The following ANKRD50 variants were observed in gnomAD, a reference collection of about 807,000 sequenced individuals.
The protein encoded by ANKRD50 is ankyrin repeat domain-containing protein 50.
Under a neutral mutation model 112.0 loss-of-function variants are expected in ANKRD50, and 40 were observed. The observed-to-expected ratio is 0.36, with a 90% CI of 0.28 to 0.46. ANKRD50 has a LOEUF of 0.46. Among genes scored for constraint, ANKRD50 ranks in the 20% least tolerant of loss-of-function variants. The pLI is 1.00. For missense variants in ANKRD50, 1,487 were observed against 1,701.7 expected (o/e 0.87, Z 2.22); for synonymous variants, 613 against 619.1 (o/e 0.99, Z 0.15).
At chr4:124,668,856 G>C in intron 4 of ANKRD50, 128 bp downstream of exon 4, 2 of 792,270 alleles carry the variant, frequency 2.5e-6, no homozygotes, top group Admixed American at 6.2e-5. Flanking sequence ...TGATGAGGCA[G>C]GTCTGGCCCA....
chr4:124,667,406 C>A lies in ANKRD50; in HGVS notation c.*112G>T, dbSNP rs750437213. The A allele has an allele frequency of 5.9e-5, 9 of 151,962 alleles. No homozygotes were observed. The highest frequency in any genetic ancestry group is 1.3e-4 in the Non-Finnish European group (9 of 67,940). The allele number at this position is 151,962 out of a possible 1,614,324, so 9.4% of individuals were successfully genotyped here. On this transcript the variant is annotated 3_prime_UTR_variant, in exon 5 of 5. Transcript: ENST00000504087. ...ATTAAGGTAACTGTACTGCAGAGAT[C>A]ACATTCTTCATTTTTTTTGTTTTTT...
chr4:124,693,907 A>G (rs2110521403), intron 2 of ANKRD50, among the ~76,000 whole-genome samples: 1 of 152,316 alleles, frequency 6.6e-6, no homozygotes, highest in East Asian at 1.9e-4. Context: ...ACATCTGCCT[A>G]TCACTTTATT....
At chr4:124,703,310 G>A (rs1040370303) in intron 2 of ANKRD50, among the ~76,000 whole-genome samples, 2 of 152,144 alleles carry the variant, frequency 1.3e-5, no homozygotes, top group East Asian at 1.9e-4. Context: ...AGAGATGAAC[G>A]TTAGATTTCA....
At chr4:124,681,384 T>C (rs1449451382) in intron 2 of ANKRD50, among the ~76,000 whole-genome samples, 1 of 152,156 alleles carries the variant, frequency 6.6e-6, no homozygotes, top group Non-Finnish European at 1.5e-5. Context: ...AAGTCCAAGG[T>C]CTGGTTCCAG....
rs1730624562 is a variant in ANKRD50 at position 124,670,715 on chromosome 4, T to C, written c.2562A>G (p.Ala854=). The change falls in exon 4 of 5, where the codon GCA becomes GCG. Residue 854 remains alanine (A), a synonymous_variant. Transcript: ENST00000504087. ...ATATCAATCTGTGCCCTTCAAAAGC[T>C]GCCATGTGCAAAGGTGTCCATCCAG... is the stretch of plus-strand genomic sequence containing the variant. The part of the protein sequence containing the change: ...DDAGWTPLHM[A]AFEGHRLICE... 1.2e-6 allele frequency: 2 copies of C among 1,613,410 alleles called. No individual in the cohort carries two copies. The highest frequency in any genetic ancestry group is 1.7e-6 in the Non-Finnish European group (2 of 1,179,784).
rs781120834 is a variant in ANKRD50 at position 124,671,448 on chromosome 4, T to C, written c.1829A>G (p.Asp610Gly). 2 of 1,613,644 alleles carry C rather than the reference T, an allele frequency of 1.2e-6. No individual in the cohort carries two copies. Among genetic ancestry groups the C allele is most frequent in the Admixed American group, 1.7e-5 (1 of 59,940 alleles). Residue 610 changes from aspartate to glycine, a missense_variant, in exon 4 of 5, where the codon GAT becomes GGT. Around this residue, in one of 2 missense-constraint regions of ANKRD50, gnomAD observed 1,046 missense variants for 1,269.5 expected, o/e 0.82. Transcript: ENST00000504087. ...CGANINHTDQ[D>G]GWTALRSAAW... ...AGCAGATCTTAATGCTGTCCAACCA[T>C]CTTGATCAGTATGATTAATATTTGC...
intron 2 of ANKRD50, among the ~76,000 whole-genome samples, chr4:124,683,397 T>A (rs2110515265): frequency 6.6e-6 from 1 of 152,052 alleles, no homozygotes; most frequent in African/African-American, 2.4e-5. Context: ...CAAATCAGGG[T>A]AATCGTGGTA....
intron 2 of ANKRD50, among the ~76,000 whole-genome samples, chr4:124,689,022 G>A (rs575801710): frequency 7.2e-5 from 11 of 152,240 alleles, no homozygotes; most frequent in Non-Finnish European, 5.9e-5. Context: ...ACAACCCAAA[G>A]TAGGTAAAAT....
Position 124,672,429 on chromosome 4 carries a change from T to C in ANKRD50, c.848A>G (p.His283Arg), listed in dbSNP as rs772083748. The change falls in exon 4 of 5, where the codon CAC (histidine) becomes CGC (arginine). Residue 283 changes from histidine (H) to arginine (R), a missense_variant. Coordinates refer to ENST00000504087, the MANE Select transcript of ANKRD50 (RefSeq NM_020337.3). ...CATCTCTGCAGTTTCTTTTGTGAGGTGTTGTCGCAAAGCTTCTTCTTGATC... is the reference window on the plus strand; with the variant it reads ...CATCTCTGCAGTTTCTTTTGTGAGGCGTTGTCGCAAAGCTTCTTCTTGATC... The part of the protein sequence containing the change: ...RLDQEEALRQ[H>R]LTKETAEMLN... 1 of 1,613,070 alleles carries C rather than the reference T, an allele frequency of 6.2e-7. No homozygotes were observed. The highest frequency in any genetic ancestry group is 8.5e-7 in the Non-Finnish European group (1 of 1,179,578).
chr4:124,679,632 A>C (rs1042909970), intron 2 of ANKRD50, among the ~76,000 whole-genome samples: 2 of 152,198 alleles, frequency 1.3e-5, no homozygotes, highest in Non-Finnish European at 2.9e-5. Flanking sequence ...TAAGGTGCTG[A>C]GCAGATACAA....
chr4:124,668,349 A>G (rs1019465888), intron 4 of ANKRD50, among the ~76,000 whole-genome samples: 7 of 152,072 alleles, frequency 4.6e-5, no homozygotes, highest in African/African-American at 1.7e-4. Context: ...AAGAGTCTCA[A>G]GAGATCTGTC....
chr4:124,695,170 A>G (rs991559874), intron 2 of ANKRD50, among the ~76,000 whole-genome samples: 1 of 152,186 alleles, frequency 6.6e-6, no homozygotes, highest in Non-Finnish European at 1.5e-5. Flanking sequence ...AGAACTAGAA[A>G]AAAAATGAAT....
At chr4:124,693,097 T>C (rs1206150252) in intron 2 of ANKRD50, among the ~76,000 whole-genome samples, 1 of 152,194 alleles carries the variant, frequency 6.6e-6, no homozygotes, top group African/African-American at 2.4e-5. Flanking sequence ...TTGTGTTAAA[T>C]TGCTTCTGAA....
At chr4:124,681,518 T>C (rs1724886616) in intron 2 of ANKRD50, among the ~76,000 whole-genome samples, 1 of 152,142 alleles carries the variant, frequency 6.6e-6, no homozygotes, top group South Asian at 2.1e-4. Context: ...GGGCACATCA[T>C]AGTGGGGGTC....
chr4:124,668,063 A>G (rs905605703), intron 4 of ANKRD50, among the ~76,000 whole-genome samples: 2 of 152,002 alleles, frequency 1.3e-5, no homozygotes, highest in Non-Finnish European at 2.9e-5. Context: ...AGTGTATGCT[A>G]GGAAAGACCC....
At chr4:124,697,177 T>C (rs952196990) in intron 2 of ANKRD50, among the ~76,000 whole-genome samples, 2 of 152,130 alleles carry the variant, frequency 1.3e-5, no homozygotes, top group Non-Finnish European at 1.5e-5. Flanking sequence ...AGCAGTTAGA[T>C]TTATAGGTCT....
In ANKRD50 at chr4:124,670,502, G is replaced by A. The variant is rs752353465; in HGVS notation, c.2775C>T (p.His925=). ...NALRVAALEG[H]RDIVELLFSH... is the part of the protein sequence containing the mutation. Reference sequence around the variant, plus strand: ...TAAAAAGCAATTCAACAATGTCCCTGTGCCCTTCTAATGCAGCAACCCGCA... The same window carrying A: ...TAAAAAGCAATTCAACAATGTCCCTATGCCCTTCTAATGCAGCAACCCGCA... The change falls in exon 4 of 5, where the codon CAC becomes CAT. Residue 925 remains histidine, a synonymous_variant. Coordinates refer to ENST00000504087, the MANE Select transcript of ANKRD50 (RefSeq NM_020337.3). 6.2e-7 allele frequency: 1 copy of A among 1,613,726 alleles called. No homozygotes were observed. The highest frequency in any genetic ancestry group is 1.7e-5 in the Admixed American group (1 of 59,924).
intron 3 of ANKRD50, among the ~76,000 whole-genome samples, chr4:124,677,726 G>T (rs936884866): frequency 2.0e-5 from 3 of 151,804 alleles, no homozygotes; most frequent in Non-Finnish European, 4.4e-5. Context: ...AAGCTCAGAT[G>T]GTGTACGGAG....
At position 124,670,846 on chromosome 4, in the gene ANKRD50, C is replaced by G. The variant is rs746316320; in HGVS notation, c.2431G>C (p.Asp811His). ...LFWGAAVDSIDSEGRTVLSIA... is the reference protein window; with the variant it reads ...LFWGAAVDSIHSEGRTVLSIA... ...CTGAGGACTGTCCTACCTTCACTAT[C>G]AATACTATCCACAGCTGCACCCCAA... The change falls in exon 4 of 5, where the codon GAT becomes CAT. Residue 811 changes from aspartate to histidine, a missense_variant. Coordinates refer to ENST00000504087, the MANE Select transcript of ANKRD50 (RefSeq NM_020337.3). 2 of 1,613,850 alleles carry G rather than the reference C, an allele frequency of 1.2e-6. No individual in the cohort carries two copies. The highest frequency in any genetic ancestry group is 1.7e-6 in the Non-Finnish European group (2 of 1,179,884).
Sources: allele counts gnomAD v4.1 joint callset (sites outside exome capture counted in the v4.1 genomes callset), GRCh38; gene constraint gnomAD v4.1.1; regional missense constraint gnomAD v4.1.1; transcripts MANE v1.5; gene names NCBI Gene and HGNC (gene_info 2026-07-23, HGNC 2026-07-21).